The following LIMA1 variants were observed in gnomAD, a reference collection of about 807,000 sequenced individuals.
LIMA1 encodes LIM domain and actin binding 1, also known as LIM domain and actin-binding protein 1.
In LIMA1, 52 loss-of-function variants were observed where a neutral mutation model predicts 62.6. That is an observed-to-expected ratio of 0.83 (90% CI 0.67 to 1.05). The LOEUF (loss-of-function observed/expected upper bound fraction) is 1.05. Among genes scored for constraint, LIMA1 ranks in the 50% least tolerant of loss-of-function variants. The pLI is 0.00. For synonymous variants in LIMA1, 302 were observed against 317.8 expected, an observed-to-expected ratio of 0.95 and a Z score of 0.53; for missense variants, 780 against 902.2, an observed-to-expected ratio of 0.86 and a Z score of 1.74.
chr12:50,276,608 C>T (rs1274548945), intron 1 of LIMA1, among the ~76,000 whole-genome samples: 3 of 152,070 alleles, frequency 2.0e-5, no homozygotes, highest in Admixed American at 6.6e-5. Context: ...TGGTGGCTCA[C>T]GCCTGTAATT....
At chr12:50,203,452 C>T (rs1185276981) in intron 6 of LIMA1, among the ~76,000 whole-genome samples, 3 of 151,460 alleles carry the variant, frequency 2.0e-5, no homozygotes, top group East Asian at 1.9e-4. Context: ...CTTGCTGTGT[C>T]GCCCAGGCTG....
At chr12:50,282,377 T>C (rs904675662) in intron 1 of LIMA1, among the ~76,000 whole-genome samples, 3 of 152,198 alleles carry the variant, frequency 2.0e-5, no homozygotes, top group Non-Finnish European at 4.4e-5. Context: ...GAAAGAATAC[T>C]TAATGCAAAA....
intron 7 of LIMA1, among the ~76,000 whole-genome samples, chr12:50,197,480 C>T (rs577966573): frequency 4.4e-4 from 67 of 151,954 alleles, no homozygotes; most frequent in Non-Finnish European, 8.1e-4. Flanking sequence ...AAAAACATTG[C>T]GAATTTTAAG....
intron 4 of LIMA1, among the ~76,000 whole-genome samples, chr12:50,210,502 G>C (rs1482025885): frequency 6.6e-6 from 1 of 151,690 alleles, no homozygotes; most frequent in Non-Finnish European, 1.5e-5. Context: ...TTTGCTTTCT[G>C]TCAAAGTTCA....
At chr12:50,212,963 T>C (rs1941283497) in intron 4 of LIMA1, among the ~76,000 whole-genome samples, 2 of 152,290 alleles carry the variant, frequency 1.3e-5, no homozygotes, top group Non-Finnish European at 2.9e-5. Flanking sequence ...TTCAGGCGCA[T>C]GTCACCACGC....
chr12:50,270,138 G>T (rs1450246370), intron 1 of LIMA1, among the ~76,000 whole-genome samples: 1 of 148,500 alleles, frequency 6.7e-6, no homozygotes, highest in Non-Finnish European at 1.5e-5. Flanking sequence ...GGAAGGCTGA[G>T]GCAGGAGAAT....
At chr12:50,263,174 A>G (rs953671771) in intron 1 of LIMA1, among the ~76,000 whole-genome samples, 1 of 152,196 alleles carries the variant, frequency 6.6e-6, no homozygotes, top group African/African-American at 2.4e-5. Context: ...CTGAATTTAA[A>G]ATGCTGCTTG....
chr12:50,179,448 T>C (rs1940440768), intron 10 of LIMA1, among the ~76,000 whole-genome samples: 1 of 142,444 alleles, frequency 7.0e-6, no homozygotes, highest in Non-Finnish European at 1.5e-5. Context: ...CCATTTTTGT[T>C]TTTTTTTGAG....
At chr12:50,270,891 G>A (rs1942202200) in intron 1 of LIMA1, among the ~76,000 whole-genome samples, 1 of 151,964 alleles carries the variant, frequency 6.6e-6, no homozygotes, top group African/African-American at 2.4e-5. Context: ...AGGAGATCAA[G>A]ACCATCCTGG....
Position 50,206,009 on chromosome 12 carries a change from A to T in LIMA1, c.690T>A (p.Ser230=). The T allele has an allele frequency of 6.2e-7, 1 of 1,612,256 alleles. No individual in the cohort carries two copies. Among genetic ancestry groups the T allele is most frequent in the South Asian group, 1.1e-5 (1 of 90,876 alleles). The change falls in exon 5 of 11, where the codon TCT becomes TCA. Residue 230 remains serine (S), a synonymous_variant. Coordinates refer to ENST00000341247, the MANE Select transcript of LIMA1 (RefSeq NM_016357.5). ...SGRKISENSY[S]LDDLEIGPGQ... ...CTGGGCCTATTTCCAGGTCATCTAG[A>T]GAATAGCTGTTTTCAGAGATCTTCC...
chr12:50,195,196 C>T (rs960205958), intron 8 of LIMA1, among the ~76,000 whole-genome samples: 2 of 152,064 alleles, frequency 1.3e-5, no homozygotes, highest in African/African-American at 2.4e-5. Flanking sequence ...GAAAGAGACC[C>T]TGTCTCTAAA....
In LIMA1 at chr12:50,200,837, C is replaced by T. The variant is rs1314791631; in HGVS notation, c.912G>A (p.Glu304=). ...GACCTGGGGGCACATTCTCCTTTTG[C>T]TCCATTTTATGAATTTTGATTTCGC... is the stretch of plus-strand genomic sequence containing the variant. ...SGGEIKIHKM[E]QKENVPPGPE... The change falls in exon 7 of 11, where the codon GAG becomes GAA. Residue 304 remains glutamate (E), a synonymous_variant. Coordinates refer to ENST00000341247, the MANE Select transcript of LIMA1 (RefSeq NM_016357.5). The T allele has an allele frequency of 6.2e-7, 1 of 1,614,030 alleles. No individual in the cohort carries two copies. The highest frequency in any genetic ancestry group is 8.5e-7 in the Non-Finnish European group (1 of 1,180,020).
chr12:50,219,271 G>A (rs1174284116), intron 4 of LIMA1, among the ~76,000 whole-genome samples: 1 of 151,894 alleles, frequency 6.6e-6, no homozygotes, highest in Non-Finnish European at 1.5e-5. Flanking sequence ...GATCACCTGA[G>A]GTCAGGAGTT....
At chr12:50,249,098 C>T (rs1941892217) in intron 1 of LIMA1, among the ~76,000 whole-genome samples, 1 of 152,220 alleles carries the variant, frequency 6.6e-6, no homozygotes, top group African/African-American at 2.4e-5. Flanking sequence ...TTCTGAATTA[C>T]ATCCCAGGGG....
At position 50,192,485 on chromosome 12, in the gene LIMA1, A is replaced by G. The variant is rs764898205; in HGVS notation, c.1107T>C (p.Ser369=). The G allele has an allele frequency of 6.8e-5, 110 of 1,613,868 alleles. No homozygotes were observed. Among genetic ancestry groups the G allele is most frequent in the Non-Finnish European group, 8.7e-5 (103 of 1,179,872 alleles). ...KPLSPDSRAS[S]LSESSPPKAM... ...CTTTGGGAGGAGAACTTTCAGAAAGACTGGAGGCTCTGGAATCTGGACTTA... is the reference window on the plus strand; with the variant it reads ...CTTTGGGAGGAGAACTTTCAGAAAGGCTGGAGGCTCTGGAATCTGGACTTA... Residue 369 remains serine, a synonymous_variant, in exon 9 of 11, where the codon AGT becomes AGC. Transcript: ENST00000341247.
At chr12:50,199,709 C>A (rs1941004357) in intron 7 of LIMA1, among the ~76,000 whole-genome samples, 1 of 152,090 alleles carries the variant, frequency 6.6e-6, no homozygotes, top group Admixed American at 6.5e-5. Context: ...TAGTGACTGC[C>A]TTTCAAAATA....
intron 4 of LIMA1, among the ~76,000 whole-genome samples, chr12:50,206,534 A>G (rs1941157200): frequency 6.6e-6 from 1 of 152,156 alleles, no homozygotes; most frequent in Non-Finnish European, 1.5e-5. Flanking sequence ...TGATGCTACC[A>G]TTATCCCCAA....
At chr12:50,182,365 G>T (rs979508328) in intron 9 of LIMA1, among the ~76,000 whole-genome samples, 6 of 152,166 alleles carry the variant, frequency 3.9e-5, no homozygotes, top group African/African-American at 1.4e-4. Flanking sequence ...GGTCGGGGGG[G>T]GGAGTGCAGG....
intron 1 of LIMA1, among the ~76,000 whole-genome samples, chr12:50,267,527 C>CTT (rs1160716291): frequency 7.7e-6 from 1 of 129,040 alleles, no homozygotes. Context: ...GCCACATTTA[C>CTT]TTTTTTTTTT....
Sources: allele counts gnomAD v4.1 joint callset (sites outside exome capture counted in the v4.1 genomes callset), GRCh38; gene constraint gnomAD v4.1.1; transcripts MANE v1.5; gene names NCBI Gene and HGNC (gene_info 2026-07-23, HGNC 2026-07-21).